Variants in ARL8B observed in about 807,000 individuals in gnomAD.
The protein encoded by ARL8B is ARF like GTPase 8B.
In ARL8B, 9 loss-of-function variants were observed where a neutral mutation model predicts 30.6. The ratio of observed to expected loss-of-function variants is 0.29; its 90% CI spans 0.18 to 0.51. The LOEUF (loss-of-function observed/expected upper bound fraction) is 0.51, where lower values mean the gene tolerates loss of function less well. Ranked by LOEUF, ARL8B falls within the 20% of genes least tolerant of loss-of-function variation. The pLI, the probability that ARL8B is intolerant of heterozygous loss-of-function variation, is 0.97. For synonymous variants in ARL8B, 74 were observed against 76.0 expected, an observed-to-expected ratio of 0.97 and a Z score of 0.14; for missense variants, 130 against 227.2, an observed-to-expected ratio of 0.57 and a Z score of 2.75.
chr3:5,143,433 C>G (rs536423681), intron 1 of ARL8B, among the ~76,000 whole-genome samples: 1 of 152,194 alleles, frequency 6.6e-6, no homozygotes, highest in Non-Finnish European at 1.5e-5. Context: ...ATAGAGCCAA[C>G]GTGCAATCCA....
At chr3:5,129,037 C>G (rs376914648) in intron 1 of ARL8B, among the ~76,000 whole-genome samples, 4 of 152,234 alleles carry the variant, frequency 2.6e-5, no homozygotes, top group African/African-American at 4.8e-5. Flanking sequence ...TCCTATTGTA[C>G]TCAATTTGAT....
In ARL8B at chr3:5,148,992, G is replaced by A. The variant is rs534097140; in HGVS notation, c.124-21511G>A. Reference sequence around the variant, plus strand: ...GCTTTCTTCCCTGTGTACTCGACCCGCGCTACTAGAGGTTTCTTGCACACC... The same window carrying A: ...GCTTTCTTCCCTGTGTACTCGACCCACGCTACTAGAGGTTTCTTGCACACC... On this transcript the variant is annotated intron_variant, in intron 1 of 6. Coordinates refer to ENST00000256496, the MANE Select transcript of ARL8B (RefSeq NM_018184.3). 1.2e-4 allele frequency among the ~76,000 whole-genome samples: 18 copies of A among 152,250 alleles called. 1 individual carries two copies. Among genetic ancestry groups the A allele is most frequent in the South Asian group, 1.0e-3 (5 of 4,824 alleles).
intron 4 of ARL8B, among the ~76,000 whole-genome samples, chr3:5,173,289 A>G (rs186693979): frequency 8.8e-4 from 134 of 152,326 alleles, no homozygotes; most frequent in African/African-American, 2.8e-3. Flanking sequence ...GGAAACTGAG[A>G]AGAGGCCAGT....
At chr3:5,137,604 A>G (rs938710930) in intron 1 of ARL8B, among the ~76,000 whole-genome samples, 1 of 151,630 alleles carries the variant, frequency 6.6e-6, no homozygotes, top group African/African-American at 2.4e-5. Context: ...ATGCCTGGGT[A>G]ATTTTTGTAT....
intron 1 of ARL8B, among the ~76,000 whole-genome samples, chr3:5,166,702 T>C (rs1210304195): frequency 6.6e-6 from 1 of 152,208 alleles, no homozygotes; most frequent in Non-Finnish European, 1.5e-5. Context: ...ATGTCTTCAG[T>C]CTTCCTGCTG....
chr3:5,123,621 C>G (rs1342729118), intron 1 of ARL8B, among the ~76,000 whole-genome samples: 1 of 152,176 alleles, frequency 6.6e-6, no homozygotes. Context: ...AGTTCTTCCA[C>G]CTTTTCGATG....
intron 1 of ARL8B, among the ~76,000 whole-genome samples, chr3:5,137,383 C>T (rs191457060): frequency 2.0e-5 from 3 of 151,526 alleles, no homozygotes; most frequent in Admixed American, 1.3e-4. Context: ...ATGAAAGTTC[C>T]TGAGTTTCAG....
At chr3:5,178,017 GGAGA>G (rs1055030408) in intron 6 of ARL8B, among the ~76,000 whole-genome samples, 3 of 152,174 alleles carry the variant, frequency 2.0e-5, no homozygotes, top group African/African-American at 7.2e-5. Context: ...TTTCAGGCTT[GGAGA>G]ATAGAGTGGT....
intron 1 of ARL8B, among the ~76,000 whole-genome samples, chr3:5,168,924 C>G (rs2054646288): frequency 6.6e-6 from 1 of 152,046 alleles, no homozygotes; most frequent in African/African-American, 2.4e-5. Flanking sequence ...TAGATCTCTC[C>G]TCAGAGATTA....
At position 5,149,059 on chromosome 3, in the gene ARL8B, G is replaced by A. The variant is rs555880014; in HGVS notation, c.124-21444G>A. On this transcript the variant is annotated intron_variant, in intron 1 of 6. Transcript: ENST00000256496. ...CCGTCTCTGGCTGTTTGCGTCGCAGGAGAACGGAACCGTGGATTGGGACTC... is the reference window on the plus strand; with the variant it reads ...CCGTCTCTGGCTGTTTGCGTCGCAGAAGAACGGAACCGTGGATTGGGACTC... Among the ~76,000 whole-genome samples, 246 of 152,332 alleles carry A rather than the reference G, an allele frequency of 1.6e-3. 1 individual carries two copies. The highest frequency in any genetic ancestry group is 5.6e-3 in the African/African-American group (231 of 41,580).
intron 1 of ARL8B, among the ~76,000 whole-genome samples, chr3:5,147,368 G>T (rs1269157961): frequency 6.6e-6 from 1 of 152,184 alleles, no homozygotes; most frequent in Admixed American, 6.5e-5. Flanking sequence ...TTTTATGGCT[G>T]CATAGTATTC....
chr3:5,171,311 T>C (rs932425654), intron 2 of ARL8B, among the ~76,000 whole-genome samples: 5 of 152,190 alleles, frequency 3.3e-5, no homozygotes, highest in Non-Finnish European at 7.3e-5. Flanking sequence ...AATAATAAAA[T>C]GATTATGGAT....
At chr3:5,148,506 A>C (rs1028727389) in intron 1 of ARL8B, among the ~76,000 whole-genome samples, 1 of 151,916 alleles carries the variant, frequency 6.6e-6, no homozygotes, top group Non-Finnish European at 1.5e-5. Context: ...CCTGTCCACT[A>C]TTTTGTGAGA....
At chr3:5,137,870 G>A (rs1051471397) in intron 1 of ARL8B, among the ~76,000 whole-genome samples, 2 of 152,146 alleles carry the variant, frequency 1.3e-5, no homozygotes, top group African/African-American at 2.4e-5. Flanking sequence ...TTACAGGCAC[G>A]AGCCACTGTG....
At chr3:5,168,188 C>T (rs1419623096) in intron 1 of ARL8B, among the ~76,000 whole-genome samples, 1 of 152,186 alleles carries the variant, frequency 6.6e-6, no homozygotes, top group Non-Finnish European at 1.5e-5. Flanking sequence ...ATCCTCCCAC[C>T]TCAGCCTCCC....
chr3:5,157,572 A>G (rs2054544198), intron 1 of ARL8B, among the ~76,000 whole-genome samples: 1 of 152,164 alleles, frequency 6.6e-6, no homozygotes, highest in Admixed American at 6.5e-5. Context: ...GTTAGACCAC[A>G]GTTTTCTGGT....
At chr3:5,172,771 G>A (rs747141319) in intron 4 of ARL8B, 31 bp downstream of exon 4, 3 of 1,254,960 alleles carry the variant, frequency 2.4e-6, no homozygotes, top group South Asian at 2.6e-5. Context: ...ATTTTACATT[G>A]TAATTATATA....
intron 1 of ARL8B, among the ~76,000 whole-genome samples, chr3:5,136,823 G>A (rs985771951): frequency 2.0e-5 from 3 of 152,020 alleles, no homozygotes; most frequent in African/African-American, 4.8e-5. Flanking sequence ...GTTTTTGTCC[G>A]CTGGTACTCC....
chr3:5,149,232 C>T (rs1318310762), intron 1 of ARL8B, among the ~76,000 whole-genome samples: 1 of 152,230 alleles, frequency 6.6e-6, no homozygotes, highest in Admixed American at 6.5e-5. Flanking sequence ...TGCTTTTCTC[C>T]CTGTGTTGTC....
Sources: gnomAD v4.1 joint callset for allele counts (sites outside exome capture counted in the v4.1 genomes callset) on GRCh38, gnomAD v4.1.1 for gene constraint, MANE v1.5 for transcripts, NCBI Gene and HGNC (gene_info 2026-07-23, HGNC 2026-07-21) for gene names.